Variants in FRMD4A observed in about 807,000 individuals in gnomAD.
FRMD4A encodes FERM domain-containing protein 4A.
In FRMD4A, 29 loss-of-function variants were observed where a neutral mutation model predicts 129.1. The observed-to-expected ratio is 0.22, with a 90% CI of 0.17 to 0.31. FRMD4A has a LOEUF of 0.31. Ranked by LOEUF, FRMD4A falls within the 10% of genes least tolerant of loss-of-function variation. The pLI, the probability that FRMD4A is intolerant of heterozygous loss-of-function variation, is 1.00. For synonymous variants in FRMD4A, 634 were observed against 571.6 expected (o/e 1.11, Z -1.56); for missense variants, 1,272 against 1,375.8 (o/e 0.92, Z 1.19).
intron 2 of FRMD4A, among the ~76,000 whole-genome samples, chr10:13,960,768 C>T (rs1410990017): frequency 6.6e-6 from 1 of 152,184 alleles, no homozygotes; most frequent in African/African-American, 2.4e-5. Flanking sequence ...TGACCAAGTT[C>T]TGGCCAATGA....
intron 2 of FRMD4A, among the ~76,000 whole-genome samples, chr10:14,079,342 A>G (rs1835794716): frequency 6.6e-6 from 1 of 152,114 alleles, no homozygotes; most frequent in Non-Finnish European, 1.5e-5. Flanking sequence ...TGGTCCATAG[A>G]AGGAAAAGCC....
intron 2 of FRMD4A, among the ~76,000 whole-genome samples, chr10:13,933,110 G>A (rs2095216166): frequency 6.6e-6 from 1 of 152,030 alleles, no homozygotes; most frequent in Non-Finnish European, 1.5e-5. Context: ...GCAGTGAACT[G>A]AGATTGTGCC....
chr10:14,282,299 T>C (rs1845547143), intron 2 of FRMD4A, among the ~76,000 whole-genome samples: 2 of 152,074 alleles, frequency 1.3e-5, no homozygotes, highest in African/African-American at 4.8e-5. Flanking sequence ...CTCCTAAAGG[T>C]ACTGGGGCTT....
chr10:13,735,922 G>A (rs2090602672), intron 12 of FRMD4A, among the ~76,000 whole-genome samples: 1 of 152,190 alleles, frequency 6.6e-6, no homozygotes, highest in African/African-American at 2.4e-5. Context: ...GGGAGGCTGA[G>A]GAGGGCAGAT....
intron 2 of FRMD4A, among the ~76,000 whole-genome samples, chr10:14,239,656 A>C (rs562233125): frequency 1.2e-3 from 184 of 151,636 alleles, no homozygotes; most frequent in Non-Finnish European, 1.6e-3. Context: ...AACAAACAAA[A>C]AAAAACTGGC....
chr10:14,045,675 T>C (rs1399346553), intron 2 of FRMD4A, among the ~76,000 whole-genome samples: 1 of 141,864 alleles, frequency 7.0e-6, no homozygotes, highest in African/African-American at 2.6e-5. Flanking sequence ...GTCATATTTA[T>C]ATTATATTAT....
chr10:14,024,445 T>C (rs1347194215), intron 2 of FRMD4A, among the ~76,000 whole-genome samples: 3 of 152,120 alleles, frequency 2.0e-5, no homozygotes, highest in Non-Finnish European at 1.5e-5. Flanking sequence ...TTGCTCTCAG[T>C]CCCCGCTGAC....
chr10:13,832,875 A>G (rs2093812529), intron 3 of FRMD4A, among the ~76,000 whole-genome samples: 1 of 152,230 alleles, frequency 6.6e-6, no homozygotes, highest in Non-Finnish European at 1.5e-5. Flanking sequence ...CCTAGCCTCA[A>G]GCAATCCTCC....
chr10:13,684,783 C>G, intron 15 of FRMD4A: 12 of 983,064 alleles, frequency 1.2e-5, no homozygotes, highest in African/African-American at 1.8e-5. Flanking sequence ...GGGGAAACTT[C>G]AAAGCAAACA....
chr10:13,860,881 C>T (rs1351039476), intron 2 of FRMD4A, among the ~76,000 whole-genome samples: 3 of 152,138 alleles, frequency 2.0e-5, no homozygotes, highest in Non-Finnish European at 2.9e-5. Flanking sequence ...CAGGCTCTAG[C>T]GATACTCCCA....
At chr10:14,239,055 C>T (rs935536656) in intron 2 of FRMD4A, among the ~76,000 whole-genome samples, 24 of 152,160 alleles carry the variant, frequency 1.6e-4, no homozygotes, top group African/African-American at 5.1e-4. Flanking sequence ...ATTGAGAACA[C>T]AGAAAGTTAG....
chr10:13,745,754 C>G (rs1456594568), intron 9 of FRMD4A, among the ~76,000 whole-genome samples: 1 of 152,164 alleles, frequency 6.6e-6, no homozygotes, highest in East Asian at 1.9e-4. Context: ...CAGGACAGGT[C>G]TCAGAGGCAA....
At chr10:14,098,186 T>C (rs1158650984) in intron 2 of FRMD4A, among the ~76,000 whole-genome samples, 1 of 149,234 alleles carries the variant, frequency 6.7e-6, no homozygotes, top group Non-Finnish European at 1.5e-5. Flanking sequence ...TTTCCAAGTC[T>C]AGAATACTCT....
chr10:14,196,016 A>G (rs1005276765), intron 2 of FRMD4A, among the ~76,000 whole-genome samples: 1 of 152,250 alleles, frequency 6.6e-6, no homozygotes, highest in African/African-American at 2.4e-5. Context: ...GAGGCAGGAC[A>G]TGAACAAAGG....
At chr10:14,155,683 T>G (rs990008363) in intron 2 of FRMD4A, among the ~76,000 whole-genome samples, 3 of 152,170 alleles carry the variant, frequency 2.0e-5, no homozygotes, top group Admixed American at 2.0e-4. Flanking sequence ...TCTGAGATAT[T>G]GGGATAATAA....
chr10:13,841,448 C>T (rs2093964128), intron 3 of FRMD4A, among the ~76,000 whole-genome samples: 1 of 152,184 alleles, frequency 6.6e-6, no homozygotes, highest in Non-Finnish European at 1.5e-5. Context: ...TGATTTGAGC[C>T]ATGTGTGACC....
intron 2 of FRMD4A, among the ~76,000 whole-genome samples, chr10:13,866,460 A>G (rs1188221118): frequency 2.0e-5 from 3 of 152,172 alleles, no homozygotes; most frequent in Non-Finnish European, 4.4e-5. Flanking sequence ...TCACCTCAAG[A>G]GACACATCCT....
chr10:13,701,838 C>T (rs144125566), intron 13 of FRMD4A, among the ~76,000 whole-genome samples: 142 of 152,326 alleles, frequency 9.3e-4, no homozygotes, highest in African/African-American at 3.0e-3. Flanking sequence ...TTCAATGATG[C>T]TCCCTATGAG....
chr10:13,654,532 G>A lies in FRMD4A; in HGVS notation c.2954-20C>T. Reference sequence around the variant, plus strand: ...AGGCAGCTACATGCAGGTGGTGCAAGAAAGGCAGAGAGCAGACAGGGATCA... The same window carrying A: ...AGGCAGCTACATGCAGGTGGTGCAAAAAAGGCAGAGAGCAGACAGGGATCA... On this transcript the variant is annotated intron_variant, in intron 22 of 24. Transcript: ENST00000357447. The A allele has an allele frequency of 6.7e-7, 1 of 1,494,852 alleles. No individual in the cohort carries two copies. The highest frequency in any genetic ancestry group is 9.3e-7 in the Non-Finnish European group (1 of 1,072,724). The allele number at this position is 1,494,852 out of a possible 1,614,324, so 92.6% of individuals were successfully genotyped here.
Sources: gnomAD v4.1 joint callset for allele counts (sites outside exome capture counted in the v4.1 genomes callset) on GRCh38, gnomAD v4.1.1 for gene constraint, MANE v1.5 for transcripts, NCBI Gene and HGNC (gene_info 2026-07-23, HGNC 2026-07-21) for gene names.